Variants in RPS6KA2 observed in about 807,000 individuals in gnomAD.
RPS6KA2 encodes the protein ribosomal protein S6 kinase alpha-2.
RPS6KA2 carries 42 observed loss-of-function variants against 91.8 expected under a neutral mutation model. The observed-to-expected ratio is 0.46, with a 90% confidence interval of 0.36 to 0.59. The LOEUF is 0.59. RPS6KA2 is among the 20% of genes least tolerant of loss of function. The pLI is 0.00. For synonymous variants in RPS6KA2, 414 were observed against 393.6 expected (o/e 1.05, Z -0.61); for missense variants, 798 against 978.5 (o/e 0.82, Z 2.46).
rs1456004287 is a variant in RPS6KA2 at position 166,665,007 on chromosome 6, G to GGAGA, written c.124-126224_124-126223insTCTC. ...CACCTGTAACCCCAGTACTTTGAGA[G>GGAGA]GCTGAGGCAAGAGGATTGCTTGAGC... On this transcript the variant is annotated intron_variant, in intron 2 of 21. Transcript: ENST00000503859. This position sits in a 1 kb window ranked among gnomAD's most constrained non-coding sequence, Gnocchi z 4.5. 6.6e-6 allele frequency among the ~76,000 whole-genome samples: 1 copy of GGAGA among 152,190 alleles called. No individual in the cohort carries two copies. The highest frequency in any genetic ancestry group is 2.4e-5 in the African/African-American group (1 of 41,438).
Position 166,648,087 on chromosome 6 carries a change from CACACACGCTCAT to C in RPS6KA2, c.124-109315_124-109304del, listed in dbSNP as rs1373841987. Among the ~76,000 whole-genome samples, 2 of 148,174 alleles carry C rather than the reference CACACACGCTCAT, an allele frequency of 1.3e-5. No individual in the cohort carries two copies. Among genetic ancestry groups the C allele is most frequent in the Non-Finnish European group, 1.5e-5 (1 of 66,824 alleles). ...ACACATGCACACGCACATGGTCATA[CACACACGCTCAT>C]ACACACACGTGCACACACACGCTCA... On this transcript the variant is annotated intron_variant, in intron 2 of 21. Transcript: ENST00000503859. The surrounding 1 kb of genome is among the most constrained non-coding windows in gnomAD (Gnocchi z 4.8).
chr6:166,621,488 T>C (rs760804584), intron 1 of RPS6KA2, among the ~76,000 whole-genome samples: 3 of 152,264 alleles, frequency 2.0e-5, no homozygotes, highest in Non-Finnish European at 4.4e-5. Flanking sequence ...AGCCTATTTG[T>C]TGATAATTTT....
intron 2 of RPS6KA2, among the ~76,000 whole-genome samples, chr6:166,655,380 C>T (rs892629557): frequency 6.6e-6 from 1 of 152,210 alleles, no homozygotes; most frequent in African/African-American, 2.4e-5. Context: ...TATTTGCACC[C>T]GGAGTCAGTG....
chr6:166,803,778 A>G (rs960047770), intron 2 of RPS6KA2, among the ~76,000 whole-genome samples: 5 of 152,244 alleles, frequency 3.3e-5, no homozygotes, highest in African/African-American at 4.8e-5. Flanking sequence ...TTTAATTTAC[A>G]TACAATTTAG....
intron 2 of RPS6KA2, among the ~76,000 whole-genome samples, chr6:166,633,393 A>G (rs1787142935): frequency 6.6e-6 from 1 of 152,248 alleles, no homozygotes. Flanking sequence ...CATGCTAAGC[A>G]TGGCACAGCA....
chr6:166,504,780 G>A (rs1047460530), intron 5 of RPS6KA2, among the ~76,000 whole-genome samples, 168 bp from the exon 6 acceptor site: 1 of 152,196 alleles, frequency 6.6e-6, no homozygotes, highest in Non-Finnish European at 1.5e-5. Flanking sequence ...TCATGGAAAA[G>A]TGAGTTCCCT....
chr6:166,418,348 T>C lies in RPS6KA2; in HGVS notation c.1821-6A>G. The C allele has an allele frequency of 6.3e-7, 1 of 1,598,774 alleles. No homozygotes were observed. Among genetic ancestry groups the C allele is most frequent in the Non-Finnish European group, 8.6e-7 (1 of 1,169,108 alleles). On this transcript the variant is annotated splice_polypyrimidine_tract_variant and splice_region_variant and intron_variant, in intron 18 of 20. Coordinates refer to ENST00000265678, the MANE Select transcript of RPS6KA2 (RefSeq NM_021135.6). The surrounding 1 kb of genome is among the most constrained non-coding windows in gnomAD (Gnocchi z 4.9). ...CATTTGCAAAAGGGGTAAATCTGTA[T>C]AATTAGACAAATTTGTGGTAATGAG...
intron 10 of RPS6KA2, among the ~76,000 whole-genome samples, chr6:166,474,082 G>T (rs1340902011): frequency 6.6e-6 from 1 of 152,026 alleles, no homozygotes; most frequent in Non-Finnish European, 1.5e-5. Flanking sequence ...GAGCGGTGTG[G>T]GAGTCAGATC....
chr6:166,812,986 T>C (rs1005047390), intron 2 of RPS6KA2, among the ~76,000 whole-genome samples: 2 of 152,126 alleles, frequency 1.3e-5, no homozygotes, highest in African/African-American at 2.4e-5. Flanking sequence ...TGGGGTTTTT[T>C]CTCCAGATAA....
chr6:166,632,628 T>A (rs1169922340), intron 2 of RPS6KA2, among the ~76,000 whole-genome samples: 6 of 149,692 alleles, frequency 4.0e-5, no homozygotes, highest in Admixed American at 6.6e-5. Context: ...AAAAAAAAAA[T>A]TTCTTTGTCA....
At chr6:166,436,898 C>A (rs1039877635) in intron 14 of RPS6KA2, among the ~76,000 whole-genome samples, 1 of 152,132 alleles carries the variant, frequency 6.6e-6, no homozygotes, top group Non-Finnish European at 1.5e-5. Flanking sequence ...TTCCCCTGAC[C>A]CGGGAGAATT....
chr6:166,545,779 C>A (rs566968176), intron 1 of RPS6KA2, among the ~76,000 whole-genome samples: 132 of 152,286 alleles, frequency 8.7e-4, no homozygotes, highest in Non-Finnish European at 1.7e-3. Flanking sequence ...CCTCAGTCTG[C>A]TGGTATTTTT....
intron 1 of RPS6KA2, among the ~76,000 whole-genome samples, chr6:166,609,475 G>C (rs1006949845): frequency 2.0e-5 from 3 of 151,844 alleles, no homozygotes; most frequent in African/African-American, 7.3e-5. Flanking sequence ...GGAGCACTGA[G>C]ACACTGATAT....
At chr6:166,826,980 T>G (rs996741475) in intron 2 of RPS6KA2, among the ~76,000 whole-genome samples, 1 of 152,192 alleles carries the variant, frequency 6.6e-6, no homozygotes, top group Non-Finnish European at 1.5e-5. Context: ...ACCTTTAACA[T>G]AGAAGCAGAG....
intron 2 of RPS6KA2, among the ~76,000 whole-genome samples, chr6:166,650,282 TCAC>T (rs1330481652): frequency 6.6e-6 from 1 of 152,046 alleles, no homozygotes; most frequent in African/African-American, 2.4e-5. Context: ...AAGCCTTTCA[TCAC>T]CACATTCTTA....
chr6:166,504,449 G>C (rs2071940), intron 6 of RPS6KA2, 57 bp downstream of exon 6: 41,766 of 1,047,980 alleles, frequency 0.04, 1,489 homozygotes, highest in African/African-American at 0.16. Context: ...CATGGGCCAG[G>C]AAAATACATG....
chr6:166,807,086 A>G (rs745809645), intron 2 of RPS6KA2, among the ~76,000 whole-genome samples: 21 of 152,248 alleles, frequency 1.4e-4, no homozygotes, highest in Non-Finnish European at 3.1e-4. Flanking sequence ...GCAGAAAATG[A>G]GAGACAAAAC....
rs1788193425 is a variant in RPS6KA2 at position 166,662,622 on chromosome 6, T to C, written c.124-123838A>G. On this transcript the variant is annotated intron_variant, in intron 2 of 21. Coordinates refer to the RPS6KA2 transcript ENST00000503859. The surrounding 1 kb of genome is among the most constrained non-coding windows in gnomAD (Gnocchi z 4.3). ...ATGGACACAGATTCAGATATAGTGTTGGGAGTATATGAATTTGACTTGTGT... is the reference window on the plus strand; with the variant it reads ...ATGGACACAGATTCAGATATAGTGTCGGGAGTATATGAATTTGACTTGTGT... 1.3e-5 allele frequency among the ~76,000 whole-genome samples: 2 copies of C among 152,176 alleles called. No homozygotes were observed. Among genetic ancestry groups the C allele is most frequent in the Non-Finnish European group, 2.9e-5 (2 of 68,032 alleles).
chr6:166,655,232 C>T (rs1311782520), intron 2 of RPS6KA2, among the ~76,000 whole-genome samples: 1 of 152,186 alleles, frequency 6.6e-6, no homozygotes, highest in African/African-American at 2.4e-5. Context: ...AATGATCATA[C>T]TTCAGTGTAT....
Sources: allele counts gnomAD v4.1 joint callset (sites outside exome capture counted in the v4.1 genomes callset), GRCh38; gene constraint gnomAD v4.1.1; non-coding constraint Gnocchi (gnomAD v3.1); transcripts MANE v1.5; gene names NCBI Gene and HGNC (gene_info 2026-07-23, HGNC 2026-07-21).